Variants in STK3 observed in about 807,000 individuals in gnomAD.
The protein encoded by STK3 is serine/threonine kinase 3.
STK3 carries 41 observed loss-of-function variants against 58.0 expected under a neutral mutation model. That is an observed-to-expected ratio of 0.71 (90% confidence interval 0.55 to 0.92). The LOEUF is 0.92. Ranked by LOEUF, STK3 falls within the 40% of genes least tolerant of loss-of-function variation. STK3 has a pLI of 0.00. For missense variants in STK3, 479 were observed against 602.7 expected (o/e 0.79, Z 2.15); for synonymous variants, 170 against 191.0 (o/e 0.89, Z 0.91).
chr8:98,620,775 T>C (rs1818228577), intron 6 of STK3, among the ~76,000 whole-genome samples: 1 of 151,880 alleles, frequency 6.6e-6, no homozygotes, highest in Non-Finnish European at 1.5e-5. Context: ...ACACAAGAAA[T>C]TGACAAACCT....
chr8:98,897,400 A>G (rs1445743626), intron 1 of STK3, among the ~76,000 whole-genome samples: 1 of 152,120 alleles, frequency 6.6e-6, no homozygotes, highest in Non-Finnish European at 1.5e-5. Context: ...TACTAAAAAT[A>G]CAAAAAAAAA....
intron 4 of STK3, among the ~76,000 whole-genome samples, chr8:98,713,682 G>T (rs1488795551): frequency 6.6e-6 from 1 of 152,170 alleles, no homozygotes. Flanking sequence ...ATTCACAGCT[G>T]AATTCTACCA....
At position 98,449,454 on chromosome 8, in the gene STK3, TC is replaced by T. The variant is rs1819098795; in HGVS notation, n.186-12247del. Reference sequence around the variant, plus strand: ...TAAAACATAAATTTAATTTTGAACTTCCTGGGACCAAAGCAAATTGAGGCCA... The same window carrying T: ...TAAAACATAAATTTAATTTTGAACTTCTGGGACCAAAGCAAATTGAGGCCA... On this transcript the variant is annotated intron_variant and non_coding_transcript_variant, in intron 1 of 3. Transcript: ENST00000517832. 4.6e-5 allele frequency among the ~76,000 whole-genome samples: 7 copies of T among 152,310 alleles called. No homozygotes were observed. In the South Asian group the frequency reaches 1.4e-3, roughly 32 times the overall value.
chr8:98,746,995 TCAC>T (rs1408327036), intron 4 of STK3, among the ~76,000 whole-genome samples: 3 of 150,034 alleles, frequency 2.0e-5, no homozygotes, highest in African/African-American at 4.9e-5. Context: ...TGAACTGTGA[TCAC>T]ACCACTGCAT....
Position 98,904,705 on chromosome 8 carries a change from T to A in STK3, c.-78-20871A>T, listed in dbSNP as rs1838819365. 3.7e-6 allele frequency: 3 copies of A among 803,840 alleles called. No individual in the cohort carries two copies. In the South Asian group the frequency reaches 3.9e-5, roughly 10 times the overall value. The allele number at this position is 803,840 out of a possible 1,614,324, so 49.8% of individuals were successfully genotyped here. A position where few individuals can be genotyped will look rare whatever the true frequency, so the allele number is the denominator to read the frequency against. ...CTGAAGCCTGAAATAACTCACTCTC[T>A]GGCCCATAACCGTAGCCCTCTCCAA... On this transcript the variant is annotated intron_variant, in intron 1 of 1. Coordinates refer to the STK3 transcript ENST00000519420.
intron 6 of STK3, among the ~76,000 whole-genome samples, chr8:98,646,929 C>T (rs1677436936): frequency 6.6e-6 from 1 of 152,190 alleles, no homozygotes; most frequent in Non-Finnish European, 1.5e-5. Context: ...ACCCCGCCCC[C>T]ACAATCTGTT....
chr8:98,927,099 G>A (rs1320455177), intron 1 of STK3, among the ~76,000 whole-genome samples: 1 of 152,238 alleles, frequency 6.6e-6, no homozygotes, highest in Non-Finnish European at 1.5e-5. Context: ...GATGGGCGCA[G>A]TTCTGACAGA....
chr8:98,373,330 T>C (rs1346169825), intron 2 of STK3, among the ~76,000 whole-genome samples: 2 of 152,312 alleles, frequency 1.3e-5, no homozygotes, highest in Middle Eastern at 3.4e-3. Context: ...CTTTTCCATG[T>C]AAAGTGCATT....
At chr8:98,838,078 A>G (rs897767080) in intron 3 of STK3, among the ~76,000 whole-genome samples, 2 of 149,922 alleles carry the variant, frequency 1.3e-5, no homozygotes, top group African/African-American at 4.9e-5. Context: ...AAAATACAAA[A>G]AAAAAAAAAA....
At chr8:98,940,320 C>T (rs549669817) in intron 1 of STK3, among the ~76,000 whole-genome samples, 186 of 152,336 alleles carry the variant, frequency 1.2e-3, no homozygotes, top group Non-Finnish European at 2.1e-3. Context: ...CTCTGGGCTC[C>T]GCCGCTGCGG....
intron 3 of STK3, among the ~76,000 whole-genome samples, chr8:98,410,642 C>T (rs575550554): frequency 6.6e-4 from 100 of 152,224 alleles, no homozygotes; most frequent in South Asian, 1.5e-3. Context: ...TCTCTCTTGT[C>T]GACAGTGTGT....
At position 98,800,760 on chromosome 8, in the gene STK3, AC is replaced by A. The variant is rs1323629377; in HGVS notation, c.26+24754del. ...AGCAGCTGCGGAAGGGGCACCGGGT[AC>A]CCCAGCACTGCCGGCCCTCCCGCGC... On this transcript the variant is annotated intron_variant, in intron 1 of 10. Transcript: ENST00000419617. The surrounding 1 kb of genome is among the most constrained non-coding windows in gnomAD (Gnocchi z 4.8). 6.6e-6 allele frequency among the ~76,000 whole-genome samples: 1 copy of A among 152,172 alleles called. No homozygotes were observed. The highest frequency in any genetic ancestry group is 1.5e-5 in the Non-Finnish European group (1 of 68,018).
intron 6 of STK3, among the ~76,000 whole-genome samples, chr8:98,624,421 G>A (rs1442975116): frequency 6.6e-6 from 1 of 152,090 alleles, no homozygotes; most frequent in East Asian, 1.9e-4. Flanking sequence ...TTAGAGTTAT[G>A]TAAAACTTTA....
downstream of STK3, among the ~76,000 whole-genome samples, chr8:98,398,707 G>A (rs1817916793): frequency 6.6e-6 from 1 of 152,198 alleles, no homozygotes; most frequent in Admixed American, 6.5e-5. Flanking sequence ...ACTGGGAGAT[G>A]GAGATGCTTG....
chr8:98,713,368 C>A (rs1157453942), intron 4 of STK3, among the ~76,000 whole-genome samples: 1 of 151,712 alleles, frequency 6.6e-6, no homozygotes, highest in Non-Finnish European at 1.5e-5. Flanking sequence ...AAAAGAGCAA[C>A]AAAATAGACC....
chr8:98,791,854 TA>T (rs570065041), intron 1 of STK3, among the ~76,000 whole-genome samples: 64 of 152,340 alleles, frequency 4.2e-4, no homozygotes, highest in African/African-American at 1.4e-3. Context: ...CCTGAAACTA[TA>T]AAAATTCTGG....
At chr8:98,855,150 C>T (rs1836622745) in intron 3 of STK3, among the ~76,000 whole-genome samples, 3 of 152,304 alleles carry the variant, frequency 2.0e-5, no homozygotes, top group Admixed American at 2.0e-4. Context: ...CACCTGACAG[C>T]TTTGAACAAA....
At chr8:98,557,804 T>C (rs1811716209) in intron 8 of STK3, among the ~76,000 whole-genome samples, 1 of 152,142 alleles carries the variant, frequency 6.6e-6, no homozygotes, top group Non-Finnish European at 1.5e-5. Flanking sequence ...AGAAACTTCA[T>C]GGATCCTAAC....
chr8:98,901,705 A>T (rs1455420330), intron 1 of STK3, among the ~76,000 whole-genome samples: 1 of 152,200 alleles, frequency 6.6e-6, no homozygotes, highest in Non-Finnish European at 1.5e-5. Context: ...GGATGACCGA[A>T]GCCTCTGTGG....
Sources: allele counts gnomAD v4.1 joint callset (sites outside exome capture counted in the v4.1 genomes callset), GRCh38; gene constraint gnomAD v4.1.1; non-coding constraint Gnocchi (gnomAD v3.1); transcripts MANE v1.5; gene names NCBI Gene and HGNC (gene_info 2026-07-23, HGNC 2026-07-21).